The following TLN2 variants were observed in gnomAD, a reference collection of about 807,000 sequenced individuals.
The protein encoded by TLN2 is talin-2.
Under a neutral mutation model 294.7 loss-of-function variants are expected in TLN2, and 118 were observed. The ratio of observed to expected loss-of-function variants is 0.40; its 90% CI spans 0.34 to 0.47. TLN2 has a LOEUF of 0.47. Among genes scored for constraint, TLN2 ranks in the 20% least tolerant of loss-of-function variants. The probability of loss-of-function intolerance (pLI) is 0.84; values close to 1 mark genes in which losing one functional copy is unlikely to be tolerated. For missense variants in TLN2, 3,083 were observed against 3,282.2 expected, an observed-to-expected ratio of 0.94 and a Z score of 1.48; for synonymous variants, 1,431 against 1,304.5, an observed-to-expected ratio of 1.10 and a Z score of -2.09.
In TLN2 at chr15:62,767,694, T is replaced by A. The variant is rs372811718; in HGVS notation, c.5196+1272T>A. ...TATACGGCAATTAGAAAAGGGCTTG[T>A]CCGTCTGTCTGAAGAGGTTTGCAGG... On this transcript the variant is annotated intron_variant, in intron 41 of 58. Transcript: ENST00000636159. Among the ~76,000 whole-genome samples, 5 of 152,368 alleles carry A rather than the reference T, an allele frequency of 3.3e-5. No individual in the cohort carries two copies. The East Asian group carries it at 9.6e-4, about 29-fold the overall frequency.
chr15:62,596,002 G>T (rs183341565), intron 2 of TLN2, among the ~76,000 whole-genome samples: 1 of 152,140 alleles, frequency 6.6e-6, no homozygotes, highest in South Asian at 2.1e-4. Flanking sequence ...TTGGCCAGGC[G>T]CGGTGGCTCA....
chr15:62,653,298 G>A lies in TLN2; in HGVS notation c.501G>A (p.Leu167=), dbSNP rs1025498369. The part of the protein sequence containing the change: ...ERKMEKLKAK[L]HTDDDLNWLD... ...AAATGGAGAAGTTGAAGGCCAAGCT[G>A]CACACAGATGATGACCGTAAGTGTT... The change falls in exon 7 of 59, where the codon CTG becomes CTA. Residue 167 remains leucine (L), a synonymous_variant. Coordinates refer to ENST00000636159, the MANE Select transcript of TLN2 (RefSeq NM_015059.3). 1.2e-6 allele frequency: 2 copies of A among 1,612,718 alleles called. No individual in the cohort carries two copies. Among genetic ancestry groups the A allele is most frequent in the African/African-American group, 1.3e-5 (1 of 74,832 alleles).
intron 2 of TLN2, among the ~76,000 whole-genome samples, chr15:62,602,700 A>G (rs2047099973): frequency 6.6e-6 from 1 of 152,160 alleles, no homozygotes; most frequent in Admixed American, 6.5e-5. Flanking sequence ...AGAAAGGGAA[A>G]GGCAACTCTG....
At chr15:62,712,748 G>A (rs796091256) in intron 22 of TLN2, among the ~76,000 whole-genome samples, 4 of 152,250 alleles carry the variant, frequency 2.6e-5, no homozygotes, top group South Asian at 4.1e-4. Flanking sequence ...GTGTGCATGC[G>A]TGCGTGCATG....
At chr15:62,460,925 TTGTG>T (rs558763158) in intron 1 of TLN2, among the ~76,000 whole-genome samples, 1 of 151,614 alleles carries the variant, frequency 6.6e-6, no homozygotes, top group South Asian at 2.1e-4. Flanking sequence ...TTAGTTTTGC[TTGTG>T]TGTGTGTGTG....
chr15:62,442,443 G>A (rs1374202070), intron 1 of TLN2, among the ~76,000 whole-genome samples: 6 of 140,698 alleles, frequency 4.3e-5, no homozygotes, highest in East Asian at 4.3e-4. Context: ...GCAGTGAGCC[G>A]AGACTACGCA....
chr15:62,788,685 A>T (rs1250114517), intron 45 of TLN2, among the ~76,000 whole-genome samples: 1 of 152,280 alleles, frequency 6.6e-6, no homozygotes, highest in Non-Finnish European at 1.5e-5. Flanking sequence ...GAATGTTCCA[A>T]GTAAGTAAAT....
In TLN2 at chr15:62,652,022, A is replaced by G. The variant is rs200646385; in HGVS notation, c.252A>G (p.Lys84=). 42 of 1,610,472 alleles carry G rather than the reference A, an allele frequency of 2.6e-5. No individual in the cohort carries two copies. In the East Asian group the frequency reaches 4.2e-4, roughly 16 times the overall value. Residue 84 remains lysine (K), a synonymous_variant, in exon 6 of 59, where the codon AAA becomes AAG. Transcript: ENST00000636159. ...MLRNGDILEY[K]KKQRPQKIRM... is the part of the protein sequence containing the mutation. ...TGCTCTAGGATATTTTGGAATATAA[A>G]AAGAAACAGAGACCTCAGAAAATCC...
chr15:62,449,509 C>T (rs1412068086), intron 1 of TLN2, among the ~76,000 whole-genome samples: 1 of 152,128 alleles, frequency 6.6e-6, no homozygotes, highest in Non-Finnish European at 1.5e-5. Context: ...AATCACTGTC[C>T]TCCGAGTGCC....
chr15:62,420,777 C>T (rs747967983), intron 1 of TLN2, among the ~76,000 whole-genome samples: 1 of 152,104 alleles, frequency 6.6e-6, no homozygotes, highest in African/African-American at 2.4e-5. Context: ...TAGGATTAAA[C>T]AAACTTTACT....
intron 1 of TLN2, among the ~76,000 whole-genome samples, chr15:62,487,100 C>G (rs933616998): frequency 1.3e-4 from 20 of 152,144 alleles, no homozygotes; most frequent in Admixed American, 7.2e-4. Context: ...TAGATTAGGA[C>G]ATGGAAAAGT....
At chr15:62,661,246 A>T (rs1440156349) in intron 9 of TLN2, among the ~76,000 whole-genome samples, 1 of 151,998 alleles carries the variant, frequency 6.6e-6, no homozygotes, top group Non-Finnish European at 1.5e-5. Context: ...ATTGAAGGTG[A>T]CTCTAGGTGA....
chr15:62,669,390 T>G lies in TLN2; in HGVS notation c.789-4437T>G, dbSNP rs115737684. Among the ~76,000 whole-genome samples, 435 of 152,130 alleles carry G rather than the reference T, an allele frequency of 2.9e-3. 2 individuals carry two copies. Among genetic ancestry groups the G allele is most frequent in the African/African-American group, 0.01 (423 of 41,396 alleles). On this transcript the variant is annotated intron_variant, in intron 9 of 58. Coordinates refer to ENST00000636159, the MANE Select transcript of TLN2 (RefSeq NM_015059.3). ...CTGTTGGCTGCGAACTTTCAACCTC[T>G]CATGGATCTTACTGAGTCTATTAGA...
Position 62,820,518 on chromosome 15 carries a change from G to C in TLN2, c.6910G>C (p.Val2304Leu). 2 of 1,613,992 alleles carry C rather than the reference G, an allele frequency of 1.2e-6. No individual in the cohort carries two copies. The highest frequency in any genetic ancestry group is 1.1e-5 in the South Asian group (1 of 91,056). ...GTGGGTGGATCCAGAAGACCCAACT[G>C]TCATTGCAGAAACAGAGTTACTGGG... ...TEWVDPEDPT[V>L]IAETELLGAA... Residue 2304 changes from valine (V) to leucine (L), a missense_variant, in exon 54 of 59, where the codon GTC (valine) becomes CTC (leucine). Transcript: ENST00000636159.
At chr15:62,646,336 T>C (rs1356205139) in intron 3 of TLN2, among the ~76,000 whole-genome samples, 1 of 152,022 alleles carries the variant, frequency 6.6e-6, no homozygotes, top group African/African-American at 2.4e-5. Context: ...CTAATTTTCA[T>C]ATTTTTAATA....
chr15:62,735,676 A>G (rs1280067800), intron 28 of TLN2, among the ~76,000 whole-genome samples: 1 of 152,188 alleles, frequency 6.6e-6, no homozygotes, highest in East Asian at 1.9e-4. Context: ...TTTTTGTAGT[A>G]TCTTCTAAAG....
intron 31 of TLN2, 61 bp downstream of exon 31, chr15:62,739,606 A>C: frequency 6.3e-7 from 1 of 1,584,964 alleles, no homozygotes; most frequent in Non-Finnish European, 8.6e-7. Flanking sequence ...TGGATAATCC[A>C]TCCTTGAGAC....
At chr15:62,619,544 T>C (rs2048597256) in intron 3 of TLN2, among the ~76,000 whole-genome samples, 1 of 152,248 alleles carries the variant, frequency 6.6e-6, no homozygotes, top group African/African-American at 2.4e-5. Context: ...ATTGTGTCTA[T>C]CTAAAACCTC....
chr15:62,452,620 G>A (rs536268123), intron 1 of TLN2, among the ~76,000 whole-genome samples: 1 of 152,128 alleles, frequency 6.6e-6, no homozygotes, highest in Admixed American at 6.6e-5. Flanking sequence ...TCCAGCCCTT[G>A]GCAACCACCA....
Sources: allele counts gnomAD v4.1 joint callset (sites outside exome capture counted in the v4.1 genomes callset), GRCh38; gene constraint gnomAD v4.1.1; transcripts MANE v1.5; gene names NCBI Gene and HGNC (gene_info 2026-07-23, HGNC 2026-07-21).